USP42: variants seen among roughly 807,000 people sequenced by gnomAD.
USP42 encodes ubiquitin carboxyl-terminal hydrolase 42.
Under a neutral mutation model 113.0 loss-of-function variants are expected in USP42, and 23 were observed. That is an observed-to-expected ratio of 0.20 (90% CI 0.15 to 0.29). The LOEUF (loss-of-function observed/expected upper bound fraction) is 0.29, where lower values mean the gene tolerates loss of function less well. Ranked by LOEUF, USP42 falls within the 10% of genes least tolerant of loss-of-function variation. The pLI is 1.00. For missense variants in USP42, 2,174 were observed against 1,779.8 expected (o/e 1.22, Z -3.99); for synonymous variants, 933 against 699.0 (o/e 1.33, Z -5.28).
rs752469806 is a variant in USP42 at position 6,115,404 on chromosome 7, G to C, written c.323G>C (p.Arg108Thr). ...KICLKWQQTHRVGAGLQNLGN... is the reference protein window; with the variant it reads ...KICLKWQQTHTVGAGLQNLGN... ...TGTCTTAAGTGGCAACAAACTCATA[G>C]AGTTGGAGCTGGGCTCCAGAATTTG... Residue 108 changes from arginine (R) to threonine (T), a missense_variant, in exon 3 of 18, where the codon AGA (arginine) becomes ACA (threonine). Coordinates refer to ENST00000306177, the MANE Select transcript of USP42 (RefSeq NM_032172.3). 2 of 1,614,056 alleles carry C rather than the reference G, an allele frequency of 1.2e-6. No homozygotes were observed. Among genetic ancestry groups the C allele is most frequent in the South Asian group, 2.2e-5 (2 of 91,082 alleles).
At chr7:6,112,951 T>G (rs1373861364) in intron 2 of USP42, among the ~76,000 whole-genome samples, 1 of 148,510 alleles carries the variant, frequency 6.7e-6, no homozygotes, top group Non-Finnish European at 1.5e-5. Flanking sequence ...TCGCCCATTC[T>G]GGAATGCAGT....
At chr7:6,082,623 T>A in the USP42 span, among the ~76,000 whole-genome samples, 1 of 125,772 alleles carries the variant, frequency 8.0e-6, no homozygotes, top group Non-Finnish European at 1.7e-5. Context: ...TTTTTTTTTT[T>A]TTTTTGAGAC....
the USP42 span, among the ~76,000 whole-genome samples, chr7:6,090,372 C>A: frequency 5.9e-5 from 8 of 135,776 alleles, no homozygotes; most frequent in Non-Finnish European, 9.3e-5. Context: ...ATATATATTT[C>A]TTTATATATA....
chr7:6,155,701 C>T (rs183607182), intron 15 of USP42, among the ~76,000 whole-genome samples: 67 of 152,304 alleles, frequency 4.4e-4, no homozygotes, highest in African/African-American at 1.4e-3. Flanking sequence ...TTCGTTTCCT[C>T]GGCCTTTGTT....
At chr7:6,135,257 A>C (rs1781067721) in intron 3 of USP42, among the ~76,000 whole-genome samples, 1 of 152,184 alleles carries the variant, frequency 6.6e-6, no homozygotes, top group Non-Finnish European at 1.5e-5. Flanking sequence ...TCTGTCCCAT[A>C]ATAACTCTTT....
rs540800034 is a variant in USP42 at position 6,105,543 on chromosome 7, C to T, written c.-10+511C>T. Among the ~76,000 whole-genome samples, 6 of 151,680 alleles carry T rather than the reference C, an allele frequency of 4.0e-5. No homozygotes were observed. The East Asian group carries it at 1.2e-3, about 30-fold the overall frequency. ...AGCCCCGGGCCGGCCTCCCCGCCCC[C>T]ACTGCATCCCTAACAGAGGCAAAGT... is the stretch of plus-strand genomic sequence containing the variant. On this transcript the variant is annotated intron_variant, in intron 1 of 17. Transcript: ENST00000306177.
Position 6,150,075 on chromosome 7 carries a change from G to A in USP42, c.1879G>A (p.Gly627Arg). Residue 627 changes from glycine (G) to arginine (R), a missense_variant, in exon 13 of 18, where the codon GGG becomes AGG. Physicochemically the swap from Gly to Arg is moderately radical, Grantham distance 125. Transcript: ENST00000306177. ...GTCAAAGGGGCTGGGCAAGGAGAATGGGATTGGTACGATTGTGAGCTCCCA... is the reference window on the plus strand; with the variant it reads ...GTCAAAGGGGCTGGGCAAGGAGAATAGGATTGGTACGATTGTGAGCTCCCA... The part of the protein sequence containing the change: ...EESKGLGKEN[G>R]IGTIVSSHSP... 2 of 1,609,722 alleles carry A rather than the reference G, an allele frequency of 1.2e-6. No homozygotes were observed. The highest frequency in any genetic ancestry group is 1.7e-6 in the Non-Finnish European group (2 of 1,177,918).
Position 6,139,319 on chromosome 7 carries a change from G to A in USP42, c.656+125G>A, listed in dbSNP as rs964277411. On this transcript the variant is annotated intron_variant, in intron 5 of 17. Coordinates refer to ENST00000306177, the MANE Select transcript of USP42 (RefSeq NM_032172.3). The surrounding 1 kb of genome is among the most constrained non-coding windows in gnomAD (Gnocchi z 4.5). Reference sequence around the variant, plus strand: ...AGAACAGTGTTCACTTTACCTTTTGGCTTTGCTCTGCCTCTTCCTTAGGTG... The same window carrying A: ...AGAACAGTGTTCACTTTACCTTTTGACTTTGCTCTGCCTCTTCCTTAGGTG... The A allele has an allele frequency of 4.4e-6, 3 of 676,370 alleles. No homozygotes were observed. Among genetic ancestry groups the A allele is most frequent in the East Asian group, 6.1e-5 (2 of 32,718 alleles). The allele number at this position is 676,370 out of a possible 1,614,324, so 41.9% of individuals were successfully genotyped here.
chr7:6,143,129 G>A, intron 8 of USP42, 115 bp downstream of exon 8: 1 of 1,006,288 alleles, frequency 9.9e-7, no homozygotes, highest in Non-Finnish European at 1.5e-6. Flanking sequence ...GATACCCTCT[G>A]GGAAGACACT....
chr7:6,097,328 G>A, the USP42 span, among the ~76,000 whole-genome samples: 971 of 149,166 alleles, frequency 6.5e-3, 64 homozygotes, highest in African/African-American at 0.023. Flanking sequence ...AGTAGCACTC[G>A]CTTCCTCCAG....
At position 6,133,128 on chromosome 7, in the gene USP42, G is replaced by A. The variant is rs542402557; in HGVS notation, c.443-2713G>A. Among the ~76,000 whole-genome samples, 18 of 152,274 alleles carry A rather than the reference G, an allele frequency of 1.2e-4. No homozygotes were observed. In the South Asian group the frequency reaches 3.7e-3, roughly 32 times the overall value. ...CTGTCAAATTTGGACAACTTTCAGT[G>A]ACTTTTGAAAACTTAATAACTTTTT... On this transcript the variant is annotated intron_variant, in intron 3 of 17. Coordinates refer to ENST00000306177, the MANE Select transcript of USP42 (RefSeq NM_032172.3).
At chr7:6,092,008 CTTCTTCT>C in the USP42 span, among the ~76,000 whole-genome samples, 2 of 87,138 alleles carry the variant, frequency 2.3e-5, no homozygotes, top group Non-Finnish European at 5.2e-5. Flanking sequence ...TCTTCTTCTT[CTTCTTCT>C]TCTTCTTCTT....
At chr7:6,082,994 G>A in the USP42 span, among the ~76,000 whole-genome samples, 2 of 148,380 alleles carry the variant, frequency 1.3e-5, no homozygotes, top group South Asian at 2.1e-4. Context: ...TGGAGTCTCG[G>A]CTCACTGCAA....
intron 1 of USP42, among the ~76,000 whole-genome samples, chr7:6,108,144 G>A (rs1210990413): frequency 6.6e-6 from 1 of 152,124 alleles, no homozygotes; most frequent in African/African-American, 2.4e-5. Flanking sequence ...CTGTGACAGC[G>A]CCATTGCATT....
At chr7:6,107,633 T>C (rs1375736463) in intron 1 of USP42, among the ~76,000 whole-genome samples, 2 of 152,118 alleles carry the variant, frequency 1.3e-5, no homozygotes, top group African/African-American at 4.8e-5. Flanking sequence ...GGTCTTGAAC[T>C]CCTGATTTCA....
At chr7:6,134,820 C>G (rs1022949408) in intron 3 of USP42, among the ~76,000 whole-genome samples, 4 of 152,138 alleles carry the variant, frequency 2.6e-5, no homozygotes, top group African/African-American at 9.7e-5. Flanking sequence ...GGGTCTCGCT[C>G]TGTTGCCCAG....
At chr7:6,086,870 C>T in the USP42 span, among the ~76,000 whole-genome samples, 2 of 145,042 alleles carry the variant, frequency 1.4e-5, no homozygotes. Context: ...GAATTACAGG[C>T]GTCTGCCACC....
chr7:6,154,592 C>G lies in USP42; in HGVS notation c.3038C>G (p.Ser1013Cys). Residue 1013 changes from serine (S) to cysteine (C), a missense_variant, in exon 15 of 18, where the codon TCT (serine) becomes TGT (cysteine). Physicochemically the swap from Ser to Cys is moderately radical, Grantham distance 112. Transcript: ENST00000306177. ...GDRLSPGERRSLGRCSHHHSR... is the reference protein window; with the variant it reads ...GDRLSPGERRCLGRCSHHHSR... ...AGGCTCAGCCCTGGCGAGCGCCGCT[C>G]TCTGGGCAGGTGCAGTCACCACCAC... The G allele has an allele frequency of 6.3e-7, 1 of 1,577,500 alleles. No homozygotes were observed. Among genetic ancestry groups the G allele is most frequent in the Non-Finnish European group, 8.6e-7 (1 of 1,164,060 alleles).
At chr7:6,143,072 A>T in intron 8 of USP42, 58 bp downstream of exon 8, 2 of 1,586,368 alleles carry the variant, frequency 1.3e-6, no homozygotes, top group Admixed American at 3.4e-5. Context: ...GATGGCCGGC[A>T]GGCTTGGTTT....
Sources: allele counts gnomAD v4.1 joint callset (sites outside exome capture counted in the v4.1 genomes callset), GRCh38; gene constraint gnomAD v4.1.1; non-coding constraint Gnocchi (gnomAD v3.1); transcripts MANE v1.5; gene names NCBI Gene and HGNC (gene_info 2026-07-23, HGNC 2026-07-21).